The following KLHL1 variants were observed in gnomAD, a reference collection of about 807,000 sequenced individuals.
The protein encoded by KLHL1 is kelch-like protein 1.
A neutral mutation model predicts 77.7 loss-of-function variants in KLHL1; 47 were observed. The ratio of observed to expected loss-of-function variants is 0.60; its 90% CI spans 0.48 to 0.77. KLHL1 has a LOEUF of 0.77. Among genes scored for constraint, KLHL1 ranks in the 30% least tolerant of loss-of-function variants. KLHL1 has a pLI of 0.00. For missense variants in KLHL1, 925 were observed against 910.8 expected, an observed-to-expected ratio of 1.02 and a Z score of -0.20; for synonymous variants, 360 against 325.2, an observed-to-expected ratio of 1.11 and a Z score of -1.15.
At chr13:69,918,742 T>A (rs1207393235) in intron 4 of KLHL1, among the ~76,000 whole-genome samples, 1 of 152,158 alleles carries the variant, frequency 6.6e-6, no homozygotes, top group African/African-American at 2.4e-5. Flanking sequence ...ATTTTTCAAA[T>A]CCTTGTTCTT....
intron 4 of KLHL1, among the ~76,000 whole-genome samples, chr13:69,893,758 C>T (rs538791811): frequency 8.5e-5 from 13 of 152,138 alleles, no homozygotes; most frequent in Non-Finnish European, 1.0e-4. Context: ...ACATTTTCAT[C>T]CTGGATGGTC....
At chr13:69,975,497 C>G (rs545677058) in intron 2 of KLHL1, 123 bp downstream of exon 2, 15 of 796,906 alleles carry the variant, frequency 1.9e-5, no homozygotes, top group Admixed American at 3.3e-5. Context: ...ACAACAACAA[C>G]AAAAAACTTA....
At chr13:69,870,026 T>C (rs1184584906) in intron 5 of KLHL1, among the ~76,000 whole-genome samples, 2 of 152,204 alleles carry the variant, frequency 1.3e-5, no homozygotes, top group African/African-American at 4.8e-5. Flanking sequence ...TGATAGGTTT[T>C]AGACATTATA....
intron 1 of KLHL1, among the ~76,000 whole-genome samples, chr13:70,005,610 C>T (rs529913384): frequency 6.6e-6 from 1 of 151,444 alleles, no homozygotes; most frequent in South Asian, 2.1e-4. Context: ...GTTAATGTAT[C>T]TAGTATTAAT....
intron 1 of KLHL1, among the ~76,000 whole-genome samples, chr13:70,087,747 A>G (rs1399567467): frequency 6.6e-6 from 1 of 152,192 alleles, no homozygotes; most frequent in African/African-American, 2.4e-5. Context: ...GTAATAAAAT[A>G]GATGCTCCTT....
intron 1 of KLHL1, among the ~76,000 whole-genome samples, chr13:70,028,979 TA>T (rs5804464): frequency 0.11 from 16,496 of 146,876 alleles, 1,127 homozygotes; most frequent in African/African-American, 0.19. Flanking sequence ...GAAAACTTGT[TA>T]AAAAAAAAAA....
At chr13:69,967,555 C>T (rs1322164288) in intron 2 of KLHL1, among the ~76,000 whole-genome samples, 1 of 152,142 alleles carries the variant, frequency 6.6e-6, no homozygotes, top group African/African-American at 2.4e-5. Flanking sequence ...GGTGAAAATT[C>T]TGTGAAGATC....
chr13:69,908,677 T>C (rs1295575664), intron 4 of KLHL1, among the ~76,000 whole-genome samples: 1 of 151,610 alleles, frequency 6.6e-6, no homozygotes, highest in Non-Finnish European at 1.5e-5. Flanking sequence ...AAATAATGCC[T>C]ATGAATTTCC....
At chr13:69,823,911 T>G (rs1878442117) in intron 6 of KLHL1, among the ~76,000 whole-genome samples, 1 of 151,978 alleles carries the variant, frequency 6.6e-6, no homozygotes, top group Admixed American at 6.6e-5. Context: ...TTCTTATCCA[T>G]TTGGGTATTT....
At chr13:69,756,935 T>A (rs1281604224) in intron 7 of KLHL1, among the ~76,000 whole-genome samples, 1 of 152,128 alleles carries the variant, frequency 6.6e-6, no homozygotes, top group African/African-American at 2.4e-5. Context: ...ATCATCAACT[T>A]TTTTTGTAAT....
At chr13:70,078,498 T>A (rs1887315391) in intron 1 of KLHL1, among the ~76,000 whole-genome samples, 1 of 152,068 alleles carries the variant, frequency 6.6e-6, no homozygotes, top group African/African-American at 2.4e-5. Flanking sequence ...AAATATGAAC[T>A]TGGAGTTATT....
intron 8 of KLHL1, among the ~76,000 whole-genome samples, chr13:69,723,620 T>C (rs1382220323): frequency 1.3e-5 from 2 of 152,080 alleles, no homozygotes; most frequent in African/African-American, 2.4e-5. Flanking sequence ...ATTCAGGCCA[T>C]GATAGAAGAG....
intron 4 of KLHL1, among the ~76,000 whole-genome samples, chr13:69,935,890 T>G (rs1883173336): frequency 6.6e-6 from 1 of 152,186 alleles, no homozygotes; most frequent in Admixed American, 6.5e-5. Flanking sequence ...ACTAGACACT[T>G]TGATGGAACA....
chr13:69,756,763 A>G (rs1015569056), intron 7 of KLHL1, among the ~76,000 whole-genome samples: 18 of 152,152 alleles, frequency 1.2e-4, no homozygotes, highest in Non-Finnish European at 2.2e-4. Flanking sequence ...ATCCCTATTG[A>G]CAGAAACAAT....
At chr13:69,777,439 A>T (rs1875886716) in intron 7 of KLHL1, among the ~76,000 whole-genome samples, 1 of 152,308 alleles carries the variant, frequency 6.6e-6, no homozygotes, top group Admixed American at 6.5e-5. Context: ...AAGTGGGATT[A>T]TAGAGGTCAT....
At chr13:70,018,768 G>T (rs867101959) in intron 1 of KLHL1, among the ~76,000 whole-genome samples, 1 of 151,784 alleles carries the variant, frequency 6.6e-6, no homozygotes, top group African/African-American at 2.4e-5. Context: ...GGGCTCAATA[G>T]TATACAGTTA....
At chr13:69,874,638 T>C (rs1334360717) in intron 5 of KLHL1, among the ~76,000 whole-genome samples, 7 of 152,144 alleles carry the variant, frequency 4.6e-5, no homozygotes, top group African/African-American at 1.4e-4. Flanking sequence ...GGAATTTCCT[T>C]TAATGTTTAA....
chr13:70,083,226 A>T (rs576411342), intron 1 of KLHL1, among the ~76,000 whole-genome samples: 1 of 152,328 alleles, frequency 6.6e-6, no homozygotes, highest in African/African-American at 2.4e-5. Flanking sequence ...CAAAATTACA[A>T]ATTGTCGTCA....
chr13:69,925,410 T>C (rs1005866112), intron 4 of KLHL1, among the ~76,000 whole-genome samples: 14 of 152,188 alleles, frequency 9.2e-5, no homozygotes, highest in African/African-American at 3.1e-4. Flanking sequence ...TAATTATTAA[T>C]ATTTTAGTGC....
Sources: allele counts gnomAD v4.1 joint callset (sites outside exome capture counted in the v4.1 genomes callset), GRCh38; gene constraint gnomAD v4.1.1; transcripts MANE v1.5; gene names NCBI Gene and HGNC (gene_info 2026-07-23, HGNC 2026-07-21).